Variants in UBN2 observed in about 807,000 individuals in gnomAD.
UBN2 encodes the protein ubinuclein-2.
In UBN2, 35 loss-of-function variants were observed where a neutral mutation model predicts 120.2. The ratio of observed to expected loss-of-function variants is 0.29; its 90% CI spans 0.22 to 0.39. The LOEUF (loss-of-function observed/expected upper bound fraction) is 0.39. Among genes scored for constraint, UBN2 ranks in the 10% least tolerant of loss-of-function variants. The probability of loss-of-function intolerance (pLI) is 1.00; values close to 1 mark genes in which losing one functional copy is unlikely to be tolerated. For synonymous variants in UBN2, 661 were observed against 648.7 expected (o/e 1.02, Z -0.29); for missense variants, 1,693 against 1,663.2 (o/e 1.02, Z -0.31).
chr7:139,231,918 G>A lies in UBN2; in HGVS notation c.434G>A (p.Ser145Asn). 1 of 1,587,180 alleles carries A rather than the reference G, an allele frequency of 6.3e-7. No homozygotes were observed. The highest frequency in any genetic ancestry group is 8.5e-7 in the Non-Finnish European group (1 of 1,172,886). The change falls in exon 1 of 18, where the codon AGT (serine) becomes AAT (asparagine). Residue 145 changes from serine to asparagine, a missense_variant. By Grantham distance (46) the Ser-to-Asn change is conservative (BLOSUM62 1). This residue lies in a region of UBN2 where 663 missense variants were observed against 591.2 expected (regional missense o/e 1.12). Transcript: ENST00000473989. The stretch of plus-strand genomic sequence containing the variant: ...ACCGACGAGAGCTGCGTGGAGTTCA[G>A]TTACCCGGAGCTGCTGCTGTGCGGA... ...DPTDESCVEF[S>N]YPELLLCGEQ... is the part of the protein sequence containing the mutation.
At chr7:139,238,760 G>T (rs78496325) in intron 2 of UBN2, among the ~76,000 whole-genome samples, 2 of 152,244 alleles carry the variant, frequency 1.3e-5, no homozygotes, top group South Asian at 4.2e-4. Flanking sequence ...GAGAGGTTCA[G>T]ATTTTTCCGA....
In UBN2 at chr7:139,283,528, A is replaced by G. The variant is rs372271754; in HGVS notation, c.2623A>G (p.Arg875Gly). Reference protein sequence around the residue: ...PKVSLEPLPARLLQQGLQRSS... With the variant: ...PKVSLEPLPAGLLQQGLQRSS... ...AGTTTCTTTAGAACCTTTGCCAGCC[A>G]GGCTACTTCAACAAGGACTTCAGAG... is the stretch of plus-strand genomic sequence containing the variant. The change falls in exon 15 of 18, where the codon AGG becomes GGG. Residue 875 changes from arginine to glycine, a missense_variant. Around this residue, in one of 5 missense-constraint regions of UBN2, gnomAD observed 837 missense variants for 817.6 expected, o/e 1.02. Coordinates refer to ENST00000473989, the MANE Select transcript of UBN2 (RefSeq NM_173569.4). 6.2e-7 allele frequency: 1 copy of G among 1,614,186 alleles called. No homozygotes were observed. Among genetic ancestry groups the G allele is most frequent in the Non-Finnish European group, 8.5e-7 (1 of 1,180,036 alleles).
At chr7:139,264,274 A>AT (rs1233301965) in intron 6 of UBN2, among the ~76,000 whole-genome samples, 1 of 152,014 alleles carries the variant, frequency 6.6e-6, no homozygotes, top group African/African-American at 2.4e-5. Flanking sequence ...AACTCTACTG[A>AT]TTTTTTGTTG....
chr7:139,254,414 A>G (rs1796704765), intron 3 of UBN2, among the ~76,000 whole-genome samples: 1 of 152,234 alleles, frequency 6.6e-6, no homozygotes, highest in Non-Finnish European at 1.5e-5. Flanking sequence ...TTCGTCTTAC[A>G]AAAAAGGTTG....
the UBN2 span, among the ~76,000 whole-genome samples, chr7:139,317,445 A>AAC: frequency 1.3e-5 from 2 of 152,060 alleles, no homozygotes; most frequent in African/African-American, 4.8e-5. Context: ...CCCAACAAGA[A>AAC]ACACACACAC....
At chr7:139,267,405 G>A (rs776582658) in intron 7 of UBN2, among the ~76,000 whole-genome samples, 1 of 152,054 alleles carries the variant, frequency 6.6e-6, no homozygotes, top group African/African-American at 2.4e-5. Context: ...GTGTGGTAGT[G>A]CACACCTATC....
Position 139,232,244 on chromosome 7 carries a change from C to T in UBN2, c.468+292C>T, listed in dbSNP as rs1283979775. On this transcript the variant is annotated intron_variant, in intron 1 of 17. Transcript: ENST00000473989. Reference sequence around the variant, plus strand: ...TGCACCTTTCGGAACCTCAGATTTTCCTTCTTTCCTTTCTGCTCCCCACAC... The same window carrying T: ...TGCACCTTTCGGAACCTCAGATTTTTCTTCTTTCCTTTCTGCTCCCCACAC... Among the ~76,000 whole-genome samples the T allele has an allele frequency of 3.3e-5, 5 of 152,394 alleles. No homozygotes were observed. The South Asian group carries it at 8.3e-4, about 25-fold the overall frequency.
chr7:139,259,729 G>A (rs904533182), intron 5 of UBN2, among the ~76,000 whole-genome samples: 1 of 152,108 alleles, frequency 6.6e-6, no homozygotes, highest in East Asian at 1.9e-4. Context: ...AACAATTTAT[G>A]GTTGTTTTAA....
Position 139,294,048 on chromosome 7 carries a change from C to T in UBN2, c.3994+67C>T, listed in dbSNP as rs193138803. On this transcript the variant is annotated intron_variant, in intron 17 of 17. Coordinates refer to ENST00000473989, the MANE Select transcript of UBN2 (RefSeq NM_173569.4). ...GCTTATAGATATGGATTATACTTTT[C>T]TGAAAACAATGTGAATGGAATGACA... 2,536 of 1,501,912 alleles carry T rather than the reference C, an allele frequency of 1.7e-3. 8 individuals carry two copies. The highest frequency in any genetic ancestry group is 2.1e-3 in the Non-Finnish European group (2,295 of 1,088,410). The allele number at this position is 1,501,912 out of a possible 1,614,324, so 93.0% of individuals were successfully genotyped here.
rs951749295 is a variant in UBN2, at chr7:139,231,459, A to G, written c.-26A>G. 5 of 1,305,728 alleles carry G rather than the reference A, an allele frequency of 3.8e-6. No homozygotes were observed. In the African/African-American group the frequency reaches 4.6e-5, roughly 12 times the overall value. 80.9% of individuals were successfully genotyped at this position (1,305,728 alleles called of 1,614,324 possible). Reference sequence around the variant, plus strand: ...CGTAGAAGCGAGCGCCGGCTCGAGCAAAAGCGGAGGGCCAGAACAGTGGGG... The same window carrying G: ...CGTAGAAGCGAGCGCCGGCTCGAGCGAAAGCGGAGGGCCAGAACAGTGGGG... On this transcript the variant is annotated 5_prime_UTR_variant, in exon 1 of 18. Transcript: ENST00000473989.
At chr7:139,321,519 G>C in the UBN2 span, among the ~76,000 whole-genome samples, 1 of 152,158 alleles carries the variant, frequency 6.6e-6, no homozygotes, top group South Asian at 2.1e-4. Flanking sequence ...GGCCTGCCGT[G>C]GTTCTCTAGA....
intron 2 of UBN2, among the ~76,000 whole-genome samples, chr7:139,241,170 T>G (rs1796309724): frequency 6.6e-6 from 1 of 152,214 alleles, no homozygotes. Flanking sequence ...CTTGTTATCT[T>G]AGCCTTCTAG....
the UBN2 span, among the ~76,000 whole-genome samples, chr7:139,325,261 CTT>C: frequency 1.8e-3 from 166 of 90,820 alleles, no homozygotes; most frequent in Admixed American, 3.1e-3. Flanking sequence ...GAAATCACTG[CTT>C]TTTTTTTTTT....
At chr7:139,238,049 A>G (rs1796213289) in intron 2 of UBN2, among the ~76,000 whole-genome samples, 1 of 152,212 alleles carries the variant, frequency 6.6e-6, no homozygotes, top group Non-Finnish European at 1.5e-5. Flanking sequence ...TTCTAGTATT[A>G]CTAAATTTGT....
In UBN2 at chr7:139,284,523, A is replaced by G. The variant is rs1447850344; in HGVS notation, c.3618A>G (p.Pro1206=). ...TQGATKPLST[P]HRPSTASGSS... ...GTGCTACCAAACCATTGTCTACTCCACATAGACCATCCACTGCCTCAGGGT... is the reference window on the plus strand; with the variant it reads ...GTGCTACCAAACCATTGTCTACTCCGCATAGACCATCCACTGCCTCAGGGT... The change falls in exon 15 of 18, where the codon CCA becomes CCG. Residue 1206 remains proline, a synonymous_variant. Transcript: ENST00000473989. 8 of 1,613,820 alleles carry G rather than the reference A, an allele frequency of 5.0e-6. No individual in the cohort carries two copies. The highest frequency in any genetic ancestry group is 6.8e-6 in the Non-Finnish European group (8 of 1,180,012).
chr7:139,305,328 T>C lies in UBN2; in HGVS notation c.*7492T>C, dbSNP rs1316932441. 6.6e-6 allele frequency: 1 copy of C among 152,210 alleles called. No homozygotes were observed. Among genetic ancestry groups the C allele is most frequent in the Non-Finnish European group, 1.5e-5 (1 of 68,046 alleles). The allele number at this position is 152,210 out of a possible 1,614,324, so 9.4% of individuals were successfully genotyped here. On this transcript the variant is annotated 3_prime_UTR_variant, in exon 18 of 18. Transcript: ENST00000473989. ...AAAGGTTAAATTGTCTTTTACATCC[T>C]CTTCTCACTCACTCTGGCAACCTAT...
the UBN2 span, among the ~76,000 whole-genome samples, chr7:139,327,453 C>T: frequency 3.3e-5 from 5 of 152,224 alleles, no homozygotes; most frequent in South Asian, 2.1e-4. Context: ...TCTGGAGGCT[C>T]GGAAGTCCAA....
chr7:139,234,164 T>G (rs1265900592), intron 1 of UBN2, among the ~76,000 whole-genome samples: 2 of 152,074 alleles, frequency 1.3e-5, no homozygotes, highest in Non-Finnish European at 2.9e-5. Context: ...TTAGAATTGG[T>G]CTGGAAAGTT....
At chr7:139,317,961 C>A in the UBN2 span, among the ~76,000 whole-genome samples, 3 of 152,156 alleles carry the variant, frequency 2.0e-5, no homozygotes, top group African/African-American at 7.2e-5. Flanking sequence ...CCGCACGCAG[C>A]CCAACTATTA....
Sources: gnomAD v4.1 joint callset for allele counts (sites outside exome capture counted in the v4.1 genomes callset) on GRCh38, gnomAD v4.1.1 for gene constraint, gnomAD v4.1.1 regional missense constraint, MANE v1.5 for transcripts, NCBI Gene and HGNC (gene_info 2026-07-23, HGNC 2026-07-21) for gene names.